Variants in CYP3A5 observed in about 807,000 individuals in gnomAD.
CYP3A5 encodes the protein cytochrome P450 family 3 subfamily A member 5.
In CYP3A5, 51 loss-of-function variants were observed where a neutral mutation model predicts 55.9. That is an observed-to-expected ratio of 0.91 (90% confidence interval 0.73 to 1.15). CYP3A5 has a LOEUF of 1.15. CYP3A5 is among the 50% of genes most tolerant of loss of function. The pLI, the probability that CYP3A5 is intolerant of heterozygous loss-of-function variation, is 0.00. For synonymous variants in CYP3A5, 196 were observed against 213.9 expected, an observed-to-expected ratio of 0.92 and a Z score of 0.73; for missense variants, 533 against 596.6, an observed-to-expected ratio of 0.89 and a Z score of 1.11.
At chr7:99,650,286 T>C (rs1274443958) in intron 11 of CYP3A5, 54 bp from the exon 12 acceptor site, 1 of 1,561,720 alleles carries the variant, frequency 6.4e-7, no homozygotes, top group Admixed American at 1.7e-5. Context: ...ACCACAGAGT[T>C]ACATGTTAGG....
intron 4 of CYP3A5, among the ~76,000 whole-genome samples, chr7:99,672,042 T>TTTGTTGTTGTTGTTG (rs573372567): frequency 1.3e-5 from 2 of 151,728 alleles, no homozygotes; most frequent in African/African-American, 4.8e-5. Context: ...TTTGCCGGTT[T>TTTGTTGTTGTTGTTG]TTGTTGTTGT....
rs763253570 is a variant in CYP3A5 at position 99,679,920 on chromosome 7, G to C, written c.-24C>G. On this transcript the variant is annotated 5_prime_UTR_variant, in exon 1 of 13. Coordinates refer to ENST00000222982, the MANE Select transcript of CYP3A5 (RefSeq NM_000777.5). Reference sequence around the variant, plus strand: ...ATCGCCACTTTCCTTCTTCAACTGTGTTCTGTGAGTCTTCCTTTTAGCTGA... The same window carrying C: ...ATCGCCACTTTCCTTCTTCAACTGTCTTCTGTGAGTCTTCCTTTTAGCTGA... The C allele has an allele frequency of 8.7e-6, 14 of 1,607,182 alleles. No homozygotes were observed. The highest frequency in any genetic ancestry group is 2.7e-5 in the African/African-American group (2 of 74,788).
Position 99,672,685 on chromosome 7 carries a change from TG to T in CYP3A5, c.219-7del. 6.2e-7 allele frequency: 1 copy of T among 1,614,032 alleles called. No homozygotes were observed. The highest frequency in any genetic ancestry group is 1.1e-5 in the South Asian group (1 of 91,050). ...GGAGTTGACCTTCATACGTTCTGTG[TG>T]GGGACAACGGAGCTGATTAAACTTC... On this transcript the variant is annotated splice_region_variant and splice_polypyrimidine_tract_variant and intron_variant, in intron 3 of 12. Transcript: ENST00000222982.
chr7:99,660,986 A>T (rs1371122203), intron 9 of CYP3A5, among the ~76,000 whole-genome samples: 2 of 152,186 alleles, frequency 1.3e-5, no homozygotes, highest in African/African-American at 4.8e-5. Context: ...GCCTTGAATG[A>T]TCCTAAAAGT....
Position 99,679,862 on chromosome 7 carries a change from C to T in CYP3A5, c.35G>A (p.Trp12Ter), listed in dbSNP as rs1288443539. The change falls in exon 1 of 13, where the codon TGG becomes TAG. Residue 12 changes from tryptophan (W) to a stop codon, truncating the protein, a stop_gained. Coordinates refer to ENST00000222982, the MANE Select transcript of CYP3A5 (RefSeq NM_000777.5). LOFTEE classifies it high-confidence loss of function. ...CACCAGGCTGACAGCCAGGAGAAGC[C>T]AGGTTTCCACCGCCAAATTTGGGAT... is the stretch of plus-strand genomic sequence containing the variant. ...DLIPNLAVET[W>*]LLLAVSLVLL... 3 of 1,614,114 alleles carry T rather than the reference C, an allele frequency of 1.9e-6. No homozygotes were observed. In the African/African-American group the frequency reaches 4.0e-5, roughly 22 times the overall value.
chr7:99,660,694 GGTCAAC>G, intron 9 of CYP3A5, 35 bp from the exon 10 acceptor site: 1 of 1,610,248 alleles, frequency 6.2e-7, no homozygotes, highest in Non-Finnish European at 8.5e-7. Flanking sequence ...AGGTAAATCA[GGTCAAC>G]GTACAACATC....
chr7:99,651,758 G>A (rs902755883), intron 11 of CYP3A5, among the ~76,000 whole-genome samples: 53 of 152,322 alleles, frequency 3.5e-4, no homozygotes, highest in African/African-American at 1.2e-3. Context: ...TCCAGAGTGC[G>A]AACTGTGCCT....
chr7:99,673,899 T>C (rs1034014600), intron 3 of CYP3A5, among the ~76,000 whole-genome samples: 5 of 152,216 alleles, frequency 3.3e-5, no homozygotes, highest in Admixed American at 1.3e-4. Context: ...ACAATGCTCC[T>C]AGCCTAGTTC....
chr7:99,660,622 G>T lies in CYP3A5; in HGVS notation c.903C>A (p.Ile301=), dbSNP rs981765303. Residue 301 remains isoleucine (I), a synonymous_variant, in exon 10 of 13, where the codon ATC becomes ATA. Transcript: ENST00000222982. The part of the protein sequence containing the change: ...SDLELAAQSI[I]FIFAGYETTS... ...TGGTTTCATAGCCAGCAAAAATGAAGATTATTGACTGGGCTGCGAGCTCCA... is the reference window on the plus strand; with the variant it reads ...TGGTTTCATAGCCAGCAAAAATGAATATTATTGACTGGGCTGCGAGCTCCA... The T allele has an allele frequency of 1.9e-6, 3 of 1,613,872 alleles. No individual in the cohort carries two copies. In the African/African-American group the frequency reaches 4.0e-5, roughly 22 times the overall value.
chr7:99,663,359 A>G, intron 8 of CYP3A5: 1 of 991,992 alleles, frequency 1.0e-6, no homozygotes. Context: ...TATAATCTTC[A>G]GTGACAGCTG....
At chr7:99,664,941 T>G (rs1382185821) in intron 7 of CYP3A5, among the ~76,000 whole-genome samples, 2 of 152,194 alleles carry the variant, frequency 1.3e-5, no homozygotes, top group Admixed American at 6.5e-5. Flanking sequence ...TATTGGATGC[T>G]TAGGGCAGTG....
intron 8 of CYP3A5, 127 bp from the exon 9 acceptor site, chr7:99,663,009 C>G: frequency 6.8e-7 from 1 of 1,459,920 alleles, no homozygotes; most frequent in Non-Finnish European, 9.1e-7. Context: ...TTCTTGAAGA[C>G]GTGTTACCTG....
At chr7:99,677,102 A>G in intron 1 of CYP3A5, 1 of 869,236 alleles carries the variant, frequency 1.2e-6, no homozygotes. Context: ...CTCTGAGGAA[A>G]AACCCATTAA....
intron 3 of CYP3A5, chr7:99,674,230 T>C (rs41301658): frequency 0.013 from 3,178 of 243,408 alleles, 110 homozygotes; most frequent in African/African-American, 0.065. Context: ...ACCCTTGTTA[T>C]TGATCTTTGT....
At chr7:99,678,778 A>G (rs1812537030) in intron 1 of CYP3A5, among the ~76,000 whole-genome samples, 1 of 152,234 alleles carries the variant, frequency 6.6e-6, no homozygotes, top group Non-Finnish European at 1.5e-5. Context: ...TCTGTGAAAG[A>G]ATTAAAATGA....
intron 11 of CYP3A5, among the ~76,000 whole-genome samples, chr7:99,651,073 A>G (rs147761601): frequency 6.6e-6 from 1 of 152,304 alleles, no homozygotes; most frequent in East Asian, 1.9e-4. Flanking sequence ...TGAAATATTT[A>G]CAGGCTATTG....
chr7:99,655,557 T>C (rs1257748922), intron 10 of CYP3A5, among the ~76,000 whole-genome samples: 3 of 152,258 alleles, frequency 2.0e-5, no homozygotes, highest in Non-Finnish European at 4.4e-5. Flanking sequence ...GACTTGGCAA[T>C]GCGGGCTCTT....
intron 7 of CYP3A5, among the ~76,000 whole-genome samples, chr7:99,664,742 T>C (rs966288013): frequency 2.0e-5 from 3 of 152,116 alleles, no homozygotes; most frequent in Non-Finnish European, 4.4e-5. Flanking sequence ...CTCAAATTGA[T>C]TATAATTATT....
At chr7:99,668,513 A>G (rs1811259673) in intron 4 of CYP3A5, among the ~76,000 whole-genome samples, 1 of 152,174 alleles carries the variant, frequency 6.6e-6, no homozygotes, top group Admixed American at 6.5e-5. Context: ...TAATTTGACT[A>G]TGTGATTCTC....
Sources: gnomAD v4.1 joint callset for allele counts (sites outside exome capture counted in the v4.1 genomes callset) on GRCh38, gnomAD v4.1.1 for gene constraint, MANE v1.5 for transcripts, NCBI Gene and HGNC (gene_info 2026-07-23, HGNC 2026-07-21) for gene names.